Variants in CDH4 observed in about 807,000 individuals in gnomAD.
The protein encoded by CDH4 is cadherin 4.
Under a neutral mutation model 86.0 loss-of-function variants are expected in CDH4, and 33 were observed. That is an observed-to-expected ratio of 0.38 (90% confidence interval 0.29 to 0.51). The LOEUF is 0.51. CDH4 is among the 20% of genes least tolerant of loss of function. CDH4 has a pLI of 0.86. For missense variants in CDH4, 1,114 were observed against 1,307.4 expected, an observed-to-expected ratio of 0.85 and a Z score of 2.28; for synonymous variants, 555 against 549.4, an observed-to-expected ratio of 1.01 and a Z score of -0.14.
chr20:61,688,630 G>A (rs565209511), intron 2 of CDH4, among the ~76,000 whole-genome samples: 1 of 152,338 alleles, frequency 6.6e-6, no homozygotes, highest in East Asian at 1.9e-4. Context: ...AGCCTTCACA[G>A]AGCCCAGGCT....
intron 2 of CDH4, among the ~76,000 whole-genome samples, chr20:61,472,120 A>G (rs1450157984): frequency 6.6e-6 from 1 of 152,118 alleles, no homozygotes; most frequent in Non-Finnish European, 1.5e-5. Context: ...TTCAGCTATT[A>G]TTGTATTGAG....
chr20:61,386,291 C>G (rs2145457588), intron 2 of CDH4, among the ~76,000 whole-genome samples: 1 of 152,306 alleles, frequency 6.6e-6, no homozygotes, highest in East Asian at 1.9e-4. Flanking sequence ...CCTCCAAAGG[C>G]ATGGCCTCCC....
intron 2 of CDH4, chr20:61,436,581 AGGGG>A (rs2085283815): frequency 6.6e-6 from 1 of 152,516 alleles, no homozygotes; most frequent in African/African-American, 2.4e-5. Context: ...AGGGGTCAGC[AGGGG>A]TCTCCTTCCA....
At chr20:61,428,457 T>C (rs1195939820) in intron 2 of CDH4, among the ~76,000 whole-genome samples, 1 of 152,228 alleles carries the variant, frequency 6.6e-6, no homozygotes, top group Non-Finnish European at 1.5e-5. Context: ...TCATTTGTTA[T>C]GTCCCCAAGC....
At chr20:61,321,663 T>A (rs1036256623) in intron 2 of CDH4, among the ~76,000 whole-genome samples, 1 of 152,188 alleles carries the variant, frequency 6.6e-6, no homozygotes, top group Non-Finnish European at 1.5e-5. Context: ...GTTGCCACTA[T>A]TTGATGGCAG....
chr20:61,895,237 G>C (rs1985051061), intron 8 of CDH4, among the ~76,000 whole-genome samples, 190 bp downstream of exon 8: 1 of 152,264 alleles, frequency 6.6e-6, no homozygotes, highest in Non-Finnish European at 1.5e-5. Context: ...CAGTAGGAGA[G>C]AGGCCGGGGC....
chr20:61,565,286 GTGA>G (rs1319316702), intron 2 of CDH4, among the ~76,000 whole-genome samples: 1 of 117,678 alleles, frequency 8.5e-6, no homozygotes, highest in Non-Finnish European at 1.8e-5. Context: ...TGGTGATGGG[GTGA>G]TGGTGGTGGC....
chr20:61,323,507 T>C (rs575417375), intron 2 of CDH4, among the ~76,000 whole-genome samples: 7 of 152,332 alleles, frequency 4.6e-5, no homozygotes, highest in Middle Eastern at 3.4e-3. Flanking sequence ...ATGCCTATAA[T>C]TCTTTGGCCA....
chr20:61,692,405 T>C (rs893518274), intron 2 of CDH4, among the ~76,000 whole-genome samples: 1 of 152,224 alleles, frequency 6.6e-6, no homozygotes, highest in African/African-American at 2.4e-5. Context: ...GGCATCAAGG[T>C]ATTTTATTTT....
chr20:61,385,702 C>T (rs1051968515), intron 2 of CDH4, among the ~76,000 whole-genome samples: 51 of 152,132 alleles, frequency 3.4e-4, no homozygotes, highest in African/African-American at 1.1e-3. Context: ...CTTCTCCACA[C>T]GCCAGGTTCC....
intron 11 of CDH4, among the ~76,000 whole-genome samples, chr20:61,925,309 G>C (rs533521941): frequency 1.7e-4 from 26 of 152,344 alleles, no homozygotes; most frequent in African/African-American, 6.0e-4. Context: ...CAGAGGCATG[G>C]AGGCAGGGCG....
chr20:61,712,499 C>G (rs2145900350), intron 2 of CDH4, among the ~76,000 whole-genome samples: 1 of 152,236 alleles, frequency 6.6e-6, no homozygotes, highest in South Asian at 2.1e-4. Flanking sequence ...GCGGAAGGTG[C>G]ATGGGAAGGT....
rs1304746733 is a variant in CDH4 at position 61,879,132 on chromosome 20, C to A, written c.1050+5232C>A. 6.6e-6 allele frequency among the ~76,000 whole-genome samples: 1 copy of A among 152,244 alleles called. No homozygotes were observed. Among genetic ancestry groups the A allele is most frequent in the East Asian group, 1.9e-4 (1 of 5,194 alleles). On this transcript the variant is annotated intron_variant, in intron 7 of 15. Coordinates refer to ENST00000614565, the MANE Select transcript of CDH4 (RefSeq NM_001794.5). The surrounding 1 kb of genome is among the most constrained non-coding windows in gnomAD (Gnocchi z 4.1). ...AACCCACGCAGGCGGCCACTGACAG[C>A]AGTGTAGACGCCAAGCGAGCACCAG...
chr20:61,418,283 T>C (rs1363555089), intron 2 of CDH4, among the ~76,000 whole-genome samples: 1 of 149,640 alleles, frequency 6.7e-6, no homozygotes, highest in Non-Finnish European at 1.5e-5. Context: ...CCATCTCGGC[T>C]CACTGCAAGC....
chr20:61,742,802 G>A (rs966677035), intron 2 of CDH4, among the ~76,000 whole-genome samples: 2 of 152,186 alleles, frequency 1.3e-5, no homozygotes, highest in African/African-American at 2.4e-5. Flanking sequence ...TGCTGGAGCC[G>A]TGAAGGGAGG....
intron 7 of CDH4, among the ~76,000 whole-genome samples, chr20:61,887,074 G>A (rs1185904906): frequency 1.3e-5 from 2 of 152,172 alleles, no homozygotes; most frequent in African/African-American, 2.4e-5. Flanking sequence ...TCCCATGACC[G>A]CCTCATGAGC....
chr20:61,710,751 T>C (rs1353256713), intron 2 of CDH4, among the ~76,000 whole-genome samples: 1 of 152,184 alleles, frequency 6.6e-6, no homozygotes, highest in Non-Finnish European at 1.5e-5. Context: ...TGTTCCAGGC[T>C]AAAGAGACCA....
At chr20:61,447,377 T>C (rs2085357141) in intron 2 of CDH4, among the ~76,000 whole-genome samples, 1 of 149,746 alleles carries the variant, frequency 6.7e-6, no homozygotes, top group Non-Finnish European at 1.5e-5. Context: ...TTTTGCTATG[T>C]AGGCCAAGCT....
At chr20:61,500,299 G>A (rs534893943) in intron 2 of CDH4, among the ~76,000 whole-genome samples, 165 of 152,372 alleles carry the variant, frequency 1.1e-3, no homozygotes, top group African/African-American at 3.6e-3. Context: ...AGGCAGCCAC[G>A]TGCACAATGA....
Sources: gnomAD v4.1 joint callset for allele counts (sites outside exome capture counted in the v4.1 genomes callset) on GRCh38, gnomAD v4.1.1 for gene constraint, Gnocchi (gnomAD v3.1) non-coding constraint, MANE v1.5 for transcripts, NCBI Gene and HGNC (gene_info 2026-07-23, HGNC 2026-07-21) for gene names.